Variants in TGFB1I1 observed in about 807,000 individuals in gnomAD.
The protein encoded by TGFB1I1 is transforming growth factor beta 1 induced transcript 1, also known as transforming growth factor beta-1-induced transcript 1 protein.
Under a neutral mutation model 52.0 loss-of-function variants are expected in TGFB1I1, and 33 were observed. The observed-to-expected ratio is 0.63, with a 90% CI of 0.48 to 0.85. The LOEUF is 0.85. Ranked by LOEUF, TGFB1I1 falls within the 40% of genes least tolerant of loss-of-function variation. The pLI is 0.00. For missense variants in TGFB1I1, 577 were observed against 614.9 expected, an observed-to-expected ratio of 0.94 and a Z score of 0.65; for synonymous variants, 236 against 253.3, an observed-to-expected ratio of 0.93 and a Z score of 0.65.
At chr16:31,472,460 C>A in intron 1 of TGFB1I1, 1 of 529,924 alleles carries the variant, frequency 1.9e-6, no homozygotes, top group East Asian at 4.5e-5. Flanking sequence ...GTGCGGCGCC[C>A]GCGGGCGCCC....
rs776780669 is a variant in TGFB1I1, at chr16:31,474,734, T to C, written c.691T>C (p.Cys231Arg). The change falls in exon 7 of 11, where the codon TGC (cysteine) becomes CGC (arginine). Residue 231 changes from cysteine (C) to arginine (R), a missense_variant. By Grantham distance (180) the Cys-to-Arg change is radical. Transcript: ENST00000394863. This position sits in a 1 kb window ranked among gnomAD's most constrained non-coding sequence, Gnocchi z 4.2. ...PTQAKGLCGS[C>R]NKPIAGQVVT... is the part of the protein sequence containing the mutation. The stretch of plus-strand genomic sequence containing the variant: ...CCAGGCCAAAGGCCTCTGTGGCTCC[T>C]GCAATAAACCTATTGCTGGGCAAGT... 10 of 1,610,236 alleles carry C rather than the reference T, an allele frequency of 6.2e-6. No homozygotes were observed. In the East Asian group the frequency reaches 1.8e-4, roughly 29 times the overall value.
chr16:31,473,164 C>T (rs2082400995), intron 1 of TGFB1I1: 5 of 1,203,462 alleles, frequency 4.2e-6, no homozygotes, highest in Admixed American at 8.3e-5. Flanking sequence ...CCAAATTTGG[C>T]TTGGGTGAAG....
In TGFB1I1 at chr16:31,473,425, T is replaced by G. The variant is rs768275647; in HGVS notation, c.14-16T>G. The G allele has an allele frequency of 6.2e-7, 1 of 1,607,602 alleles. No individual in the cohort carries two copies. The highest frequency in any genetic ancestry group is 8.5e-7 in the Non-Finnish European group (1 of 1,174,768). Reference sequence around the variant, plus strand: ...CCGTGACCCTTGTCTCTCTCCCTGATGGCCTCTTCCTGCAGATGCCCTGCT... The same window carrying G: ...CCGTGACCCTTGTCTCTCTCCCTGAGGGCCTCTTCCTGCAGATGCCCTGCT... On this transcript the variant is annotated splice_polypyrimidine_tract_variant and intron_variant, in intron 1 of 10. Transcript: ENST00000394863.
In TGFB1I1 at chr16:31,477,785, C is replaced by CTA; in HGVS notation, c.*209_*210insTA. 1 of 652,626 alleles carries CTA rather than the reference C, an allele frequency of 1.5e-6. No individual in the cohort carries two copies. The highest frequency in any genetic ancestry group is 2.2e-5 in the South Asian group (1 of 44,930). 40.4% of individuals were successfully genotyped at this position (652,626 alleles called of 1,614,324 possible). A position where few individuals can be genotyped will look rare whatever the true frequency, so the allele number is the denominator to read the frequency against. ...GCCCACAAAGTGGATTGCACACAGA[C>CTA]AAGAACTCCCGTGCGGGCCTCCACT... is the stretch of plus-strand genomic sequence containing the variant. On this transcript the variant is annotated 3_prime_UTR_variant, in exon 11 of 11. Transcript: ENST00000394863. The surrounding 1 kb of genome is among the most constrained non-coding windows in gnomAD (Gnocchi z 4.7).
At position 31,472,188 on chromosome 16, in the gene TGFB1I1, C is replaced by T. The variant is rs1470321828; in HGVS notation, c.-1C>T. On this transcript the variant is annotated 5_prime_UTR_variant, in exon 1 of 11. Transcript: ENST00000394863. ...CCCGCGCCACCGGCCCGCGCCCCGC[C>T]ATGGAGGACCTGGGTGAGTGGGGCC... 6.7e-7 allele frequency: 1 copy of T among 1,490,622 alleles called. No individual in the cohort carries two copies. Among genetic ancestry groups the T allele is most frequent in the South Asian group, 1.3e-5 (1 of 78,914 alleles). The allele number at this position is 1,490,622 out of a possible 1,614,324, so 92.3% of individuals were successfully genotyped here.
Position 31,474,632 on chromosome 16 carries a change from G to C in TGFB1I1, c.589G>C (p.Glu197Gln), listed in dbSNP as rs1407039633. Reference sequence around the variant, plus strand: ...AAATGAGGGCTCCCCATCCCCACCAGAGCCGACTGGCAAGGGCAGCCTAGA... The same window carrying C: ...AAATGAGGGCTCCCCATCCCCACCACAGCCGACTGGCAAGGGCAGCCTAGA... ...STNEGSPSPP[E>Q]PTGKGSLDTM... The change falls in exon 7 of 11, where the codon GAG becomes CAG. Residue 197 changes from glutamate to glutamine, a missense_variant. Physicochemically the swap from Glu to Gln is conservative, Grantham distance 29. Around this residue, in one of 3 missense-constraint regions of TGFB1I1, gnomAD observed 456 missense variants for 461.6 expected, o/e 0.99. Coordinates refer to ENST00000394863, the MANE Select transcript of TGFB1I1 (RefSeq NM_001042454.3). The surrounding 1 kb of genome is among the most constrained non-coding windows in gnomAD (Gnocchi z 4.2). 4.3e-6 allele frequency: 7 copies of C among 1,612,814 alleles called. No homozygotes were observed. In the Middle Eastern group the frequency reaches 8.3e-4, roughly 190 times the overall value.
Position 31,474,809 on chromosome 16 carries a change from T to C in TGFB1I1, c.714+52T>C. The C allele has an allele frequency of 1.3e-6, 2 of 1,528,748 alleles. No individual in the cohort carries two copies. Among genetic ancestry groups the C allele is most frequent in the Non-Finnish European group, 1.8e-6 (2 of 1,122,332 alleles). 94.7% of individuals were successfully genotyped at this position (1,528,748 alleles called of 1,614,324 possible). ...GCAGAGACCTGTCACAGACCCATCT[T>C]TAGTGAGAGCTGGGCTTTATGCTGT... is the stretch of plus-strand genomic sequence containing the variant. On this transcript the variant is annotated intron_variant, in intron 7 of 10. Coordinates refer to ENST00000394863, the MANE Select transcript of TGFB1I1 (RefSeq NM_001042454.3). This position sits in a 1 kb window ranked among gnomAD's most constrained non-coding sequence, Gnocchi z 4.2.
chr16:31,477,856 G>A lies in TGFB1I1; in HGVS notation c.*280G>A, dbSNP rs928835971. 4.1e-6 allele frequency: 2 copies of A among 493,344 alleles called. No homozygotes were observed. The allele number at this position is 493,344 out of a possible 1,614,324, so 30.6% of individuals were successfully genotyped here. ...GCCCCCTTACTGGGGGAGGGTCCTTGCAATTCCAGCGAATCGGAGGCCAGG... is the reference window on the plus strand; with the variant it reads ...GCCCCCTTACTGGGGGAGGGTCCTTACAATTCCAGCGAATCGGAGGCCAGG... On this transcript the variant is annotated 3_prime_UTR_variant, in exon 11 of 11. Transcript: ENST00000394863. This position sits in a 1 kb window ranked among gnomAD's most constrained non-coding sequence, Gnocchi z 4.7.
chr16:31,477,460 T>C lies in TGFB1I1; in HGVS notation c.1270T>C (p.Phe424Leu), dbSNP rs1316137331. The C allele has an allele frequency of 6.2e-7, 1 of 1,601,652 alleles. No individual in the cohort carries two copies. The highest frequency in any genetic ancestry group is 8.5e-7 in the Non-Finnish European group (1 of 1,174,622). ...GRCVSALGRR[F>L]HPDHFTCTFC... ...CTGCGTGTCGGCCCTGGGTCGCCGC[T>C]TCCACCCGGACCACTTCACATGCAC... The change falls in exon 11 of 11, where the codon TTC (phenylalanine) becomes CTC (leucine). Residue 424 changes from phenylalanine to leucine, a missense_variant. Phe to Leu is a conservative substitution (Grantham distance 22). Transcript: ENST00000394863. This position sits in a 1 kb window ranked among gnomAD's most constrained non-coding sequence, Gnocchi z 4.7.
Position 31,476,743 on chromosome 16 carries a change from C to T in TGFB1I1, c.971-119C>T. On this transcript the variant is annotated intron_variant, in intron 9 of 10. Transcript: ENST00000394863. This position sits in a 1 kb window ranked among gnomAD's most constrained non-coding sequence, Gnocchi z 7.6. ...CCGCTCTGTCCCGCCATAGACCCGGCTCCTCCTTCCCCAAGGCTCCCTCGG... is the reference window on the plus strand; with the variant it reads ...CCGCTCTGTCCCGCCATAGACCCGGTTCCTCCTTCCCCAAGGCTCCCTCGG... 3 of 1,524,662 alleles carry T rather than the reference C, an allele frequency of 2.0e-6. No individual in the cohort carries two copies. The South Asian group carries it at 3.7e-5, about 19-fold the overall frequency. 94.4% of individuals were successfully genotyped at this position (1,524,662 alleles called of 1,614,324 possible). A position where few individuals can be genotyped will look rare whatever the true frequency, so the allele number is the denominator to read the frequency against.
intron 1 of TGFB1I1, chr16:31,473,200 G>T (rs979916899): frequency 6.0e-6 from 8 of 1,333,234 alleles, no homozygotes; most frequent in Non-Finnish European, 7.7e-6. Flanking sequence ...CATCAGAGAA[G>T]ATGGGGAGAA....
Position 31,476,591 on chromosome 16 carries a change from A to C in TGFB1I1, c.970+29A>C. 1 of 1,601,656 alleles carries C rather than the reference A, an allele frequency of 6.2e-7. No homozygotes were observed. The highest frequency in any genetic ancestry group is 8.5e-7 in the Non-Finnish European group (1 of 1,173,994). ...AGAGTGAACTCGACTCCCATCTTAA[A>C]AGCTGCGGGTCCCCTCGACGTCTCG... On this transcript the variant is annotated intron_variant, in intron 9 of 10. Transcript: ENST00000394863. This position sits in a 1 kb window ranked among gnomAD's most constrained non-coding sequence, Gnocchi z 7.6.
intron 7 of TGFB1I1, chr16:31,475,379 T>G (rs1413932825): frequency 6.5e-6 from 1 of 152,826 alleles, no homozygotes. Context: ...CATTTTCTTC[T>G]AGTTCATTTT....
At position 31,477,315 on chromosome 16, in the gene TGFB1I1, C is replaced by T. The variant is rs756942970; in HGVS notation, c.1125C>T (p.Cys375=). 8.7e-6 allele frequency: 14 copies of T among 1,605,756 alleles called. No individual in the cohort carries two copies. In the East Asian group the frequency reaches 2.5e-4, roughly 28 times the overall value. ...WHPDCFVCRE[C]FAPFSGGSFF... ...TCGCGGCTTCCCTTCCCCAGGAATG[C>T]TTCGCGCCCTTCTCGGGAGGCAGCT... Residue 375 remains cysteine (C), a synonymous_variant, in exon 11 of 11, where the codon TGC becomes TGT. Transcript: ENST00000394863. The surrounding 1 kb of genome is among the most constrained non-coding windows in gnomAD (Gnocchi z 4.7).
At position 31,476,414 on chromosome 16, in the gene TGFB1I1, G is replaced by C; in HGVS notation, c.889-67G>C. On this transcript the variant is annotated intron_variant, in intron 8 of 10. Coordinates refer to ENST00000394863, the MANE Select transcript of TGFB1I1 (RefSeq NM_001042454.3). This position sits in a 1 kb window ranked among gnomAD's most constrained non-coding sequence, Gnocchi z 7.6. ...CGCATGCCTTAGTCCAGTCACCCGG[G>C]TTCCGCGCGGGAGAGGAAGGCGCGA... The C allele has an allele frequency of 1.3e-6, 2 of 1,506,986 alleles. No individual in the cohort carries two copies. The highest frequency in any genetic ancestry group is 1.8e-6 in the Non-Finnish European group (2 of 1,101,432). 93.4% of individuals were successfully genotyped at this position (1,506,986 alleles called of 1,614,324 possible). A position where few individuals can be genotyped will look rare whatever the true frequency, so the allele number is the denominator to read the frequency against.
intron 1 of TGFB1I1, 37 bp downstream of exon 1, chr16:31,472,238 A>C: frequency 6.8e-7 from 1 of 1,461,232 alleles, no homozygotes. Context: ...GTGGCCCCTC[A>C]CCGCTGCCCA....
chr16:31,476,975 A>T lies in TGFB1I1; in HGVS notation c.1084A>T (p.Ser362Cys). ...PILDNYISAL[S>C]ALWHPDCFVC... The stretch of plus-strand genomic sequence containing the variant: ...CCTGGATAACTACATCTCGGCGCTC[A>T]GCGCGCTCTGGCACCCGGACTGTTT... Residue 362 changes from serine to cysteine, a missense_variant, in exon 10 of 11, where the codon AGC becomes TGC. By Grantham distance (112) the Ser-to-Cys change is moderately radical (BLOSUM62 -1). This residue lies in a region of TGFB1I1 where 456 missense variants were observed against 461.6 expected (regional missense o/e 0.99). Coordinates refer to ENST00000394863, the MANE Select transcript of TGFB1I1 (RefSeq NM_001042454.3). The surrounding 1 kb of genome is among the most constrained non-coding windows in gnomAD (Gnocchi z 7.6). The T allele has an allele frequency of 6.3e-7, 1 of 1,596,184 alleles. No homozygotes were observed. Among genetic ancestry groups the T allele is most frequent in the Non-Finnish European group, 8.5e-7 (1 of 1,176,492 alleles).
At chr16:31,475,692 G>A (rs1416323097) in intron 7 of TGFB1I1, 3 of 227,684 alleles carry the variant, frequency 1.3e-5, no homozygotes, top group African/African-American at 2.3e-5. Context: ...CCTCCCAAAT[G>A]CTAGGATTAG....
intron 1 of TGFB1I1, chr16:31,473,131 C>T: frequency 9.5e-7 from 1 of 1,048,458 alleles, no homozygotes; most frequent in Non-Finnish European, 1.2e-6. Flanking sequence ...GGCACTGGGC[C>T]AATGGAGCAA....
Sources: gnomAD v4.1 joint callset for allele counts on GRCh38, gnomAD v4.1.1 for gene constraint, gnomAD v4.1.1 regional missense constraint, Gnocchi (gnomAD v3.1) non-coding constraint, MANE v1.5 for transcripts, NCBI Gene and HGNC (gene_info 2026-07-23, HGNC 2026-07-21) for gene names.